The following MRPL3 variants were observed in gnomAD, a reference collection of about 807,000 sequenced individuals.
MRPL3 encodes the protein large ribosomal subunit protein uL3m.
Under a neutral mutation model 44.3 loss-of-function variants are expected in MRPL3, and 43 were observed. That is an observed-to-expected ratio of 0.97 (90% CI 0.76 to 1.25). The LOEUF is 1.25. MRPL3 is among the 50% of genes most tolerant of loss of function. The pLI is 0.00. For synonymous variants in MRPL3, 171 were observed against 152.3 expected (o/e 1.12, Z -0.91); for missense variants, 406 against 427.6 (o/e 0.95, Z 0.45).
intron 8 of MRPL3, among the ~76,000 whole-genome samples, chr3:131,469,221 TACAC>T (rs554635603): frequency 4.7e-5 from 7 of 150,382 alleles, no homozygotes; most frequent in Non-Finnish European, 8.9e-5. Flanking sequence ...TCCTTACACT[TACAC>T]ACACACACGC....
intron 6 of MRPL3, 179 bp downstream of exon 6, chr3:131,487,501 T>C (rs1934155829): frequency 3.4e-6 from 2 of 584,752 alleles, no homozygotes; most frequent in East Asian, 6.3e-5. Flanking sequence ...ACCCTTTACA[T>C]ACAATTAATT....
Position 131,462,616 on chromosome 3 carries a change from G to C in MRPL3, c.*107C>G. On this transcript the variant is annotated 3_prime_UTR_variant, in exon 10 of 10. Coordinates refer to ENST00000264995, the MANE Select transcript of MRPL3 (RefSeq NM_007208.4). ...TGCCCTTGACAAAGATGACATGTGT[G>C]ATTTTGTTGTGACTAAGAAAGGAGA... 1 of 1,092,252 alleles carries C rather than the reference G, an allele frequency of 9.2e-7. No individual in the cohort carries two copies. The highest frequency in any genetic ancestry group is 2.5e-5 in the East Asian group (1 of 40,000). The allele number at this position is 1,092,252 out of a possible 1,614,324, so 67.7% of individuals were successfully genotyped here. A position where few individuals can be genotyped will look rare whatever the true frequency, so the allele number is the denominator to read the frequency against.
intron 6 of MRPL3, among the ~76,000 whole-genome samples, chr3:131,482,706 A>G (rs1934018729): frequency 6.6e-6 from 1 of 152,118 alleles, no homozygotes; most frequent in African/African-American, 2.4e-5. Context: ...CTTCTTTCAG[A>G]AAGAAAAAAA....
chr3:131,463,217 T>G (rs940567456), intron 9 of MRPL3, among the ~76,000 whole-genome samples: 24 of 152,160 alleles, frequency 1.6e-4, no homozygotes, highest in Non-Finnish European at 3.4e-4. Context: ...TCAAATATAA[T>G]GACCTGACAA....
intron 6 of MRPL3, among the ~76,000 whole-genome samples, chr3:131,474,188 A>C (rs1297277507): frequency 2.6e-5 from 4 of 152,248 alleles, no homozygotes; most frequent in African/African-American, 9.6e-5. Flanking sequence ...AATGTGGCAC[A>C]TATACACATG....
At chr3:131,472,052 A>G (rs568842740) in intron 6 of MRPL3, among the ~76,000 whole-genome samples, 3 of 152,302 alleles carry the variant, frequency 2.0e-5, no homozygotes, top group South Asian at 2.1e-4. Flanking sequence ...CCCAAGTCAG[A>G]GGCATCCAGG....
intron 7 of MRPL3, 77 bp from the exon 8 acceptor site, chr3:131,469,850 TA>T: frequency 1.2e-6 from 1 of 851,778 alleles, no homozygotes; most frequent in Non-Finnish European, 1.8e-6. Context: ...CAATGTAAAC[TA>T]AAAATATAAA....
At chr3:131,473,252 T>C (rs921354677) in intron 6 of MRPL3, among the ~76,000 whole-genome samples, 1 of 151,960 alleles carries the variant, frequency 6.6e-6, no homozygotes, top group African/African-American at 2.4e-5. Flanking sequence ...AGCCCAGAAA[T>C]TCACACATCA....
chr3:131,490,153 C>T (rs1582715811), intron 4 of MRPL3, 73 bp from the exon 5 acceptor site: 4 of 1,046,514 alleles, frequency 3.8e-6, no homozygotes, highest in Non-Finnish European at 5.9e-6. Flanking sequence ...GAGATCTAAA[C>T]CAAGTTATTA....
Position 131,465,893 on chromosome 3 carries a change from T to C in MRPL3, c.894+2198A>G, listed in dbSNP as rs550833504. On this transcript the variant is annotated intron_variant, in intron 9 of 9. Coordinates refer to ENST00000264995, the MANE Select transcript of MRPL3 (RefSeq NM_007208.4). Reference sequence around the variant, plus strand: ...CAAATACATTTTTCTTTTTCTCTCTTTTTTTTTTTTTTTTGTTTTTTTAAG... The same window carrying C: ...CAAATACATTTTTCTTTTTCTCTCTCTTTTTTTTTTTTTTGTTTTTTTAAG... Among the ~76,000 whole-genome samples, 551 of 108,190 alleles carry C rather than the reference T, an allele frequency of 5.1e-3. 1 individual carries two copies. Among genetic ancestry groups the C allele is most frequent in the African/African-American group, 0.017 (518 of 31,240 alleles). 71.0% of individuals were successfully genotyped at this position (108,190 alleles called of 152,430 possible).
rs1933666198 is a variant in MRPL3, at chr3:131,468,257, G to T, written c.817-89C>A. ...GCTGAGGATGTAAGTTGCTTGTAAA[G>T]TAATAAAAGATTATTACCAGTACTT... On this transcript the variant is annotated intron_variant, in intron 8 of 9. Coordinates refer to ENST00000264995, the MANE Select transcript of MRPL3 (RefSeq NM_007208.4). The T allele has an allele frequency of 8.5e-6, 6 of 704,336 alleles. No individual in the cohort carries two copies. In the South Asian group the frequency reaches 8.6e-5, roughly 10 times the overall value. 43.6% of individuals were successfully genotyped at this position (704,336 alleles called of 1,614,324 possible). A position where few individuals can be genotyped will look rare whatever the true frequency, so the allele number is the denominator to read the frequency against.
At chr3:131,483,623 T>G (rs1305264336) in intron 6 of MRPL3, among the ~76,000 whole-genome samples, 1 of 150,324 alleles carries the variant, frequency 6.7e-6, no homozygotes, top group African/African-American at 2.4e-5. Context: ...GTATCTTTCA[T>G]GTAAGCAAGT....
chr3:131,468,929 T>C (rs374951987), intron 8 of MRPL3, among the ~76,000 whole-genome samples: 1 of 152,038 alleles, frequency 6.6e-6, no homozygotes, highest in South Asian at 2.1e-4. Context: ...GTGATTGTCT[T>C]TGGGTATTGT....
chr3:131,469,269 A>C (rs373089826), intron 8 of MRPL3, among the ~76,000 whole-genome samples: 15 of 150,034 alleles, frequency 1.0e-4, no homozygotes, highest in Admixed American at 2.7e-4. Flanking sequence ...ATATAATCCA[A>C]GAACCTGGTA....
Position 131,469,766 on chromosome 3 carries a change from C to T in MRPL3, c.746G>A (p.Gly249Asp). 2 of 1,610,324 alleles carry T rather than the reference C, an allele frequency of 1.2e-6. No individual in the cohort carries two copies. Among genetic ancestry groups the T allele is most frequent in the Non-Finnish European group, 1.7e-6 (2 of 1,177,508 alleles). ...CATTTTAGTTCCAGGCCAGACTCTGCCAATATCCTAAATGAGAAAACTAAA... is the reference window on the plus strand; with the variant it reads ...CATTTTAGTTCCAGGCCAGACTCTGTCAATATCCTAAATGAGAAAACTAAA... ...RPGAVATGDIGRVWPGTKMPG... is the reference protein window; with the variant it reads ...RPGAVATGDIDRVWPGTKMPG... Residue 249 changes from glycine to aspartate, a missense_variant, in exon 8 of 10, where the codon GGC (glycine) becomes GAC (aspartate). Gly to Asp is a moderately conservative substitution (Grantham distance 94). Coordinates refer to ENST00000264995, the MANE Select transcript of MRPL3 (RefSeq NM_007208.4).
At chr3:131,502,665 G>T in intron 1 of MRPL3, 65 bp downstream of exon 1, 1 of 1,402,994 alleles carries the variant, frequency 7.1e-7, no homozygotes, top group Non-Finnish European at 9.8e-7. Flanking sequence ...AGGCCCAACT[G>T]CACCAGGCCA....
At chr3:131,474,392 G>T (rs1933807557) in intron 6 of MRPL3, among the ~76,000 whole-genome samples, 1 of 152,158 alleles carries the variant, frequency 6.6e-6, no homozygotes, top group Non-Finnish European at 1.5e-5. Flanking sequence ...AGAGACTGGG[G>T]AGAGGATGGG....
chr3:131,482,329 A>C (rs1934008132), intron 6 of MRPL3, among the ~76,000 whole-genome samples: 1 of 152,022 alleles, frequency 6.6e-6, no homozygotes, highest in East Asian at 1.9e-4. Flanking sequence ...ATCCTGGCTA[A>C]AACGGTGAAA....
chr3:131,477,682 T>C (rs920803577), intron 6 of MRPL3, among the ~76,000 whole-genome samples: 1 of 152,206 alleles, frequency 6.6e-6, no homozygotes, highest in African/African-American at 2.4e-5. Context: ...CCAGATACCC[T>C]ATCATTTCAT....
Sources: allele counts gnomAD v4.1 joint callset (sites outside exome capture counted in the v4.1 genomes callset), GRCh38; gene constraint gnomAD v4.1.1; transcripts MANE v1.5; gene names NCBI Gene and HGNC (gene_info 2026-07-23, HGNC 2026-07-21).